AFG2B: variants seen among roughly 807,000 people sequenced by gnomAD.
The protein encoded by AFG2B is ATPase family gene 2 protein homolog B.
chr15:45,408,270 A>T, the AFG2B span, among the ~76,000 whole-genome samples: 1 of 152,250 alleles, frequency 6.6e-6, no homozygotes, highest in East Asian at 1.9e-4. Flanking sequence ...AAGAACTTCC[A>T]CTAAACCCTT....
At chr15:45,403,460 C>G in the AFG2B span, 4 of 1,608,736 alleles carry the variant, frequency 2.5e-6, no homozygotes, top group South Asian at 4.4e-5. Context: ...GTGGGAGCCA[C>G]TAACCGGCCG....
chr15:45,403,416 G>T, the AFG2B span: 1 of 1,609,954 alleles, frequency 6.2e-7, no homozygotes, highest in Non-Finnish European at 8.5e-7. Flanking sequence ...TGACGCTGCT[G>T]GACGGCGCCA....
the AFG2B span, among the ~76,000 whole-genome samples, chr15:45,404,099 C>G: frequency 3.6e-3 from 554 of 152,242 alleles, 6 homozygotes; most frequent in African/African-American, 0.013. Flanking sequence ...CAGAGCTGTC[C>G]TATTTTAAGC....
the AFG2B span, chr15:45,402,956 G>T: frequency 1.4e-3 from 2,301 of 1,597,330 alleles, no homozygotes; most frequent in Non-Finnish European, 1.8e-3. Flanking sequence ...GATCCCGCTG[G>T]GCTGGTCACC....
chr15:45,405,437 T>C, the AFG2B span: 122 of 1,614,158 alleles, frequency 7.6e-5, no homozygotes, highest in Admixed American at 1.5e-4. Context: ...GACAGTTGGC[T>C]ATGTTGGTGC....
the AFG2B span, among the ~76,000 whole-genome samples, chr15:45,404,448 G>A: frequency 3.3e-5 from 5 of 152,060 alleles, no homozygotes; most frequent in African/African-American, 1.2e-4. Flanking sequence ...TATACGTAAA[G>A]TGCACGGTAC....
the AFG2B span, among the ~76,000 whole-genome samples, chr15:45,420,307 G>C: frequency 1.3e-3 from 198 of 152,126 alleles, 1 homozygote; most frequent in African/African-American, 4.6e-3. Flanking sequence ...ATGTCTCTTA[G>C]TTCCCGTGTC....
At chr15:45,417,031 T>C in the AFG2B span, 1 of 378,030 alleles carries the variant, frequency 2.6e-6, no homozygotes, top group Non-Finnish European at 4.9e-6. Context: ...GGTTCTCATA[T>C]GGAGAATGTT....
the AFG2B span, among the ~76,000 whole-genome samples, chr15:45,407,432 A>G: frequency 1.3e-5 from 2 of 152,244 alleles, no homozygotes; most frequent in Non-Finnish European, 2.9e-5. Context: ...AATAATGTGT[A>G]CACACATGAT....
chr15:45,405,466 T>G, the AFG2B span: 1 of 1,613,886 alleles, frequency 6.2e-7, no homozygotes, highest in Non-Finnish European at 8.5e-7. Flanking sequence ...CAGCACTCTG[T>G]AGGGAGGCTG....
At chr15:45,414,948 A>G in the AFG2B span, among the ~76,000 whole-genome samples, 1 of 152,204 alleles carries the variant, frequency 6.6e-6, no homozygotes, top group Non-Finnish European at 1.5e-5. Context: ...ATCCTTCATA[A>G]TCCTCCTACC....
the AFG2B span, chr15:45,417,373 A>T: frequency 2.5e-6 from 4 of 1,614,062 alleles, no homozygotes; most frequent in Non-Finnish European, 2.5e-6. Context: ...AGATAAGATC[A>T]TCTATATCCC....
At chr15:45,420,003 A>ACCC in the AFG2B span, among the ~76,000 whole-genome samples, 1 of 143,612 alleles carries the variant, frequency 7.0e-6, no homozygotes, top group South Asian at 2.2e-4. Context: ...CCCCCAAAAA[A>ACCC]AAAAAAAAAA....
the AFG2B span, chr15:45,402,376 T>G: frequency 1.4e-5 from 22 of 1,552,782 alleles, no homozygotes; most frequent in East Asian, 5.3e-4. Context: ...CCGCTTTTTG[T>G]GGGCCGGGTG....
the AFG2B span, chr15:45,415,912 A>G: frequency 1.2e-6 from 1 of 865,998 alleles, no homozygotes; most frequent in Non-Finnish European, 1.7e-6. Context: ...AGAAGGATTT[A>G]TATAATTTCA....
the AFG2B span, chr15:45,403,245 T>C: frequency 6.4e-7 from 1 of 1,560,740 alleles, no homozygotes; most frequent in Admixed American, 1.9e-5. Context: ...CGCTGCAGGG[T>C]TCCCGGCCTG....
At chr15:45,417,148 C>T in the AFG2B span, 1 of 1,212,628 alleles carries the variant, frequency 8.2e-7, no homozygotes, top group Non-Finnish European at 1.1e-6. Flanking sequence ...CGGATATAAG[C>T]ATTCTGGTCC....
At chr15:45,418,493 A>G in the AFG2B span, 13 of 1,484,150 alleles carry the variant, frequency 8.8e-6, no homozygotes, top group Non-Finnish European at 1.2e-5. Flanking sequence ...AAATATTTTA[A>G]TAAATCATTG....
At chr15:45,421,240 A>C in the AFG2B span, 1 of 1,486,136 alleles carries the variant, frequency 6.7e-7, no homozygotes, top group Non-Finnish European at 9.0e-7. Context: ...TTCAGTTCAC[A>C]TTAATTGAAA....
Sources: allele counts gnomAD v4.1 joint callset (sites outside exome capture counted in the v4.1 genomes callset), GRCh38; gene constraint gnomAD v4.1.1; transcripts MANE v1.5; gene names NCBI Gene and HGNC (gene_info 2026-07-23, HGNC 2026-07-21).